The following EML1 variants were observed in gnomAD, a reference collection of about 807,000 sequenced individuals.
The protein encoded by EML1 is EMAP like 1.
A neutral mutation model predicts 110.4 loss-of-function variants in EML1; 27 were observed. The observed-to-expected ratio is 0.24, with a 90% CI of 0.18 to 0.34. The LOEUF is 0.34. Ranked by LOEUF, EML1 falls within the 10% of genes least tolerant of loss-of-function variation. The pLI is 1.00. For missense variants in EML1, 741 were observed against 1,030.9 expected, an observed-to-expected ratio of 0.72 and a Z score of 3.85; for synonymous variants, 344 against 385.8, an observed-to-expected ratio of 0.89 and a Z score of 1.27.
chr14:99,926,543 C>T (rs1173718589), intron 17 of EML1, among the ~76,000 whole-genome samples: 2 of 152,042 alleles, frequency 1.3e-5, no homozygotes, highest in Admixed American at 6.6e-5. Context: ...CCTCGGCCTC[C>T]CAAAGTGCTG....
intron 17 of EML1, among the ~76,000 whole-genome samples, chr14:99,925,361 AG>A (rs2060215216): frequency 6.6e-6 from 1 of 151,514 alleles, no homozygotes; most frequent in Non-Finnish European, 1.5e-5. Flanking sequence ...CCTGGGTTCA[AG>A]TGATTCTGCC....
At chr14:99,920,736 T>G in intron 16 of EML1, 53 bp from the exon 17 acceptor site, 1 of 1,408,518 alleles carries the variant, frequency 7.1e-7, no homozygotes, top group Non-Finnish European at 9.9e-7. Context: ...TATTATATAA[T>G]CTTCATTTTC....
At chr14:99,747,787 C>T (rs1395318923) in intron 1 of EML1, among the ~76,000 whole-genome samples, 3 of 152,164 alleles carry the variant, frequency 2.0e-5, no homozygotes, top group African/African-American at 7.2e-5. Flanking sequence ...CCACCCCTGG[C>T]CACACGGGGA....
Position 99,850,842 on chromosome 14 carries a change from C to G in EML1, c.68-11C>G. On this transcript the variant is annotated splice_polypyrimidine_tract_variant and intron_variant, in intron 1 of 21. Coordinates refer to ENST00000262233, the MANE Select transcript of EML1 (RefSeq NM_004434.3). ...ACACTTAAAGCTCACTTGATCCTTT[C>G]TTTGGTTTAGATGACAGCGCTTCTG... 1 of 1,609,890 alleles carries G rather than the reference C, an allele frequency of 6.2e-7. No homozygotes were observed.
chr14:99,891,132 G>A (rs1050709749), intron 4 of EML1, 67 bp from the exon 5 acceptor site: 18 of 1,602,428 alleles, frequency 1.1e-5, no homozygotes, highest in Non-Finnish European at 1.5e-5. Flanking sequence ...TGGCTTTGGG[G>A]TCTGAAGTGA....
chr14:99,900,233 G>A (rs915216261), intron 8 of EML1, among the ~76,000 whole-genome samples: 3 of 138,544 alleles, frequency 2.2e-5, no homozygotes, highest in Non-Finnish European at 4.6e-5. Context: ...TTGTTGCCCA[G>A]GCTGGAGTGC....
chr14:99,741,866 C>T (rs924046137), intron 1 of EML1, among the ~76,000 whole-genome samples: 18 of 152,194 alleles, frequency 1.2e-4, no homozygotes, highest in African/African-American at 4.3e-4. Flanking sequence ...TATGAGATGC[C>T]TGGAGTGGCC....
chr14:99,827,249 C>G lies in EML1; in HGVS notation c.68-23604C>G, dbSNP rs907990655. On this transcript the variant is annotated intron_variant, in intron 1 of 21. Coordinates refer to ENST00000262233, the MANE Select transcript of EML1 (RefSeq NM_004434.3). The surrounding 1 kb of genome is among the most constrained non-coding windows in gnomAD (Gnocchi z 4.4). ...GTCACAGACACGTAGAGGAGGATGA[C>G]CACCTGAAGACACAGGGAGAAGATG... 6.6e-6 allele frequency among the ~76,000 whole-genome samples: 1 copy of G among 151,938 alleles called. No individual in the cohort carries two copies. Among genetic ancestry groups the G allele is most frequent in the Non-Finnish European group, 1.5e-5 (1 of 67,990 alleles).
chr14:99,794,260 T>C (rs562825372), intron 1 of EML1, among the ~76,000 whole-genome samples: 46 of 152,308 alleles, frequency 3.0e-4, no homozygotes, highest in African/African-American at 9.4e-4. Flanking sequence ...ATTGGCAGGG[T>C]TGAAAAAGAT....
At chr14:99,870,511 A>G (rs1481273215) in intron 3 of EML1, among the ~76,000 whole-genome samples, 1 of 152,256 alleles carries the variant, frequency 6.6e-6, no homozygotes, top group Non-Finnish European at 1.5e-5. Context: ...ACAGCGTTAC[A>G]TTGGAGGAAG....
At chr14:99,805,966 C>T (rs1205116867) in intron 1 of EML1, among the ~76,000 whole-genome samples, 1 of 152,062 alleles carries the variant, frequency 6.6e-6, no homozygotes, top group Non-Finnish European at 1.5e-5. Context: ...TACATAATTC[C>T]CCACTCTCCC....
intron 1 of EML1, among the ~76,000 whole-genome samples, chr14:99,746,027 A>G (rs2057103513): frequency 6.6e-6 from 1 of 152,222 alleles, no homozygotes; most frequent in Admixed American, 6.5e-5. Context: ...ACAAGAATGT[A>G]TACAGTAGGC....
chr14:99,918,863 C>G (rs903172941), intron 16 of EML1, among the ~76,000 whole-genome samples: 17 of 152,162 alleles, frequency 1.1e-4, no homozygotes, highest in Non-Finnish European at 1.9e-4. Flanking sequence ...GCTGCCCTTT[C>G]AAAATTTCAG....
chr14:99,868,996 G>A (rs1408523553), intron 3 of EML1, among the ~76,000 whole-genome samples: 2 of 152,094 alleles, frequency 1.3e-5, no homozygotes, highest in African/African-American at 4.8e-5. Flanking sequence ...GTTTTGGTAT[G>A]TTGTGTTTTC....
intron 1 of EML1, among the ~76,000 whole-genome samples, chr14:99,798,309 A>G (rs1205913148): frequency 6.6e-6 from 1 of 151,878 alleles, no homozygotes; most frequent in East Asian, 1.9e-4. Context: ...ACTTGATACA[A>G]CTGAATGTGG....
intron 2 of EML1, among the ~76,000 whole-genome samples, chr14:99,861,481 T>C (rs2059002707): frequency 6.6e-6 from 1 of 152,200 alleles, no homozygotes; most frequent in African/African-American, 2.4e-5. Context: ...CAAAATCTGC[T>C]AGCTTTTTTG....
intron 1 of EML1, among the ~76,000 whole-genome samples, chr14:99,750,838 C>T (rs1371916097): frequency 2.0e-5 from 3 of 152,082 alleles, no homozygotes; most frequent in East Asian, 3.9e-4. Context: ...GGGCTTCGAC[C>T]TCTGCCCTTG....
chr14:99,827,261 A>C lies in EML1; in HGVS notation c.68-23592A>C, dbSNP rs2058375920. Among the ~76,000 whole-genome samples the C allele has an allele frequency of 6.6e-6, 1 of 152,050 alleles. No individual in the cohort carries two copies. The highest frequency in any genetic ancestry group is 1.5e-5 in the Non-Finnish European group (1 of 67,990). ...TAGAGGAGGATGACCACCTGAAGAC[A>C]CAGGGAGAAGATGGCCAGCGAGAGA... On this transcript the variant is annotated intron_variant, in intron 1 of 21. Transcript: ENST00000262233. This position sits in a 1 kb window ranked among gnomAD's most constrained non-coding sequence, Gnocchi z 4.4.
chr14:99,796,232 A>AGAGAGAGAGAG (rs1595292348), intron 1 of EML1, among the ~76,000 whole-genome samples: 2 of 101,492 alleles, frequency 2.0e-5, no homozygotes, highest in African/African-American at 3.4e-5. Flanking sequence ...GAGAGAGAGA[A>AGAGAGAGAGAG]GATAATGTGT....
Sources: gnomAD v4.1 joint callset for allele counts (sites outside exome capture counted in the v4.1 genomes callset) on GRCh38, gnomAD v4.1.1 for gene constraint, Gnocchi (gnomAD v3.1) non-coding constraint, MANE v1.5 for transcripts, NCBI Gene and HGNC (gene_info 2026-07-23, HGNC 2026-07-21) for gene names.